NAT1: variants seen among roughly 807,000 people sequenced by gnomAD.
NAT1 encodes arylamine N-acetyltransferase 1.
For synonymous variants in NAT1, 144 were observed against 122.6 expected (o/e 1.17, Z -1.16); for missense variants, 400 against 339.2 (o/e 1.18, Z -1.41).
intron 1 of NAT1, among the ~76,000 whole-genome samples, chr8:18,214,830 C>T (rs1398413278): frequency 6.6e-6 from 1 of 152,168 alleles, no homozygotes; most frequent in South Asian, 2.1e-4. Flanking sequence ...TGATCCTCTC[C>T]CTCCTCCCAC....
At position 18,179,034 on chromosome 8, in the gene NAT1, A is replaced by G. The variant is rs548917607; in HGVS notation, n.92+8295A>G. On this transcript the variant is annotated intron_variant and non_coding_transcript_variant, in intron 2 of 4. Coordinates refer to the NAT1 transcript ENST00000517441. The stretch of plus-strand genomic sequence containing the variant: ...GTTCCTGCGTGCCTTTAATTAGTCA[A>G]CATTTATCCCTCTATATTCCACTGT... 1.8e-4 allele frequency among the ~76,000 whole-genome samples: 28 copies of G among 152,176 alleles called. No homozygotes were observed. In the South Asian group the frequency reaches 5.4e-3, roughly 29 times the overall value.
At chr8:18,197,785 C>T (rs1803297989) in intron 2 of NAT1, among the ~76,000 whole-genome samples, 1 of 152,146 alleles carries the variant, frequency 6.6e-6, no homozygotes, top group South Asian at 2.1e-4. Context: ...ATCCCATTTC[C>T]TGTCAGCAGT....
chr8:18,201,661 G>T (rs951612363), intron 2 of NAT1, among the ~76,000 whole-genome samples: 1 of 152,256 alleles, frequency 6.6e-6, no homozygotes, highest in African/African-American at 2.4e-5. Context: ...GGGCTGACTG[G>T]CATTGGGTTG....
chr8:18,221,110 C>T (rs1351061134), intron 2 of NAT1, among the ~76,000 whole-genome samples: 1 of 152,200 alleles, frequency 6.6e-6, no homozygotes, highest in Non-Finnish European at 1.5e-5. Flanking sequence ...CCTGTCAGAT[C>T]TCATCTCAGT....
intron 2 of NAT1, among the ~76,000 whole-genome samples, chr8:18,173,604 G>A (rs191131069): frequency 1.4e-4 from 22 of 152,234 alleles, no homozygotes; most frequent in Middle Eastern, 3.4e-3. Context: ...CCAGTACTTA[G>A]GAGCCCAGCG....
chr8:18,201,963 T>A (rs2117294781), intron 2 of NAT1, among the ~76,000 whole-genome samples: 2 of 152,314 alleles, frequency 1.3e-5, no homozygotes, highest in South Asian at 4.1e-4. Context: ...CATATCAAGC[T>A]CAATCAGTTT....
chr8:18,216,170 T>C (rs1804642158), intron 1 of NAT1, among the ~76,000 whole-genome samples: 1 of 152,186 alleles, frequency 6.6e-6, no homozygotes, highest in East Asian at 1.9e-4. Context: ...TTAGCTGTGG[T>C]TTCAGCCAGT....
In NAT1 at chr8:18,196,900, A is replaced by G. The variant is rs180959428; in HGVS notation, n.93-12881A>G. On this transcript the variant is annotated intron_variant and non_coding_transcript_variant, in intron 2 of 4. Coordinates refer to the NAT1 transcript ENST00000517441. ...TCATCAATTTCCATTTAATTCTTGT[A>G]TTAGTCCGTTCTCACACTGCTATAA... Among the ~76,000 whole-genome samples, 138 of 152,344 alleles carry G rather than the reference A, an allele frequency of 9.1e-4. 2 individuals carry two copies. The highest frequency in any genetic ancestry group is 3.2e-3 in the African/African-American group (133 of 41,584).
intron 2 of NAT1, among the ~76,000 whole-genome samples, chr8:18,197,664 C>T (rs571261594): frequency 1.8e-4 from 27 of 152,336 alleles, no homozygotes; most frequent in African/African-American, 6.0e-4. Flanking sequence ...TTTGTCTAAA[C>T]AGCATCCTTT....
rs367995306 is a variant in NAT1 at position 18,202,938 on chromosome 8, A to AT, written n.93-6839dup. Reference sequence around the variant, plus strand: ...CCATTTTAGAGGCGCTGATTGGTCCATTTTATAGAGTACTGATTGGTCGAT... The same window carrying AT: ...CCATTTTAGAGGCGCTGATTGGTCCATTTTTATAGAGTACTGATTGGTCGAT... On this transcript the variant is annotated intron_variant and non_coding_transcript_variant, in intron 2 of 4. Transcript: ENST00000517441. 1.7e-3 allele frequency among the ~76,000 whole-genome samples: 253 copies of AT among 152,238 alleles called. 2 individuals carry two copies. Among genetic ancestry groups the AT allele is most frequent in the African/African-American group, 5.8e-3 (242 of 41,542 alleles).
At chr8:18,182,983 TAA>T (rs1440033371) in intron 2 of NAT1, among the ~76,000 whole-genome samples, 2 of 152,208 alleles carry the variant, frequency 1.3e-5, no homozygotes, top group Non-Finnish European at 2.9e-5. Context: ...TATGCTATTA[TAA>T]AGTCTGTTTT....
chr8:18,204,410 G>A (rs1323709119), intron 2 of NAT1, among the ~76,000 whole-genome samples: 1 of 152,068 alleles, frequency 6.6e-6, no homozygotes, highest in Non-Finnish European at 1.5e-5. Flanking sequence ...ATTCTTTTCA[G>A]TAACTTAAAA....
intron 2 of NAT1, among the ~76,000 whole-genome samples, chr8:18,178,720 G>A (rs1802388073): frequency 6.6e-6 from 1 of 152,166 alleles, no homozygotes. Flanking sequence ...AGAGGAAGGA[G>A]TAGATAAAAT....
intron 2 of NAT1, among the ~76,000 whole-genome samples, chr8:18,191,356 T>C (rs536078905): frequency 6.6e-6 from 1 of 152,330 alleles, no homozygotes; most frequent in South Asian, 2.1e-4. Flanking sequence ...AAGTTTTTTA[T>C]AAAAACTTTT....
At chr8:18,197,133 G>T (rs1803267400) in intron 2 of NAT1, among the ~76,000 whole-genome samples, 1 of 151,980 alleles carries the variant, frequency 6.6e-6, no homozygotes, top group South Asian at 2.1e-4. Flanking sequence ...GAACAGCATG[G>T]GGAAACCACC....
chr8:18,195,186 G>A (rs556992193), intron 2 of NAT1, among the ~76,000 whole-genome samples: 14 of 152,288 alleles, frequency 9.2e-5, no homozygotes, highest in African/African-American at 2.6e-4. Context: ...ATCATGCTTC[G>A]CCATGTATGC....
intron 2 of NAT1, among the ~76,000 whole-genome samples, chr8:18,198,923 A>T (rs1803346339): frequency 6.6e-6 from 1 of 152,194 alleles, no homozygotes; most frequent in Non-Finnish European, 1.5e-5. Flanking sequence ...TTCAGAAGTC[A>T]GCTTAATTAA....
intron 2 of NAT1, among the ~76,000 whole-genome samples, chr8:18,193,982 T>C (rs1803128184): frequency 6.6e-6 from 1 of 152,170 alleles, no homozygotes; most frequent in Non-Finnish European, 1.5e-5. Context: ...CACGGTTGCA[T>C]GCATCTCCAT....
chr8:18,186,177 T>G (rs1802725586), intron 2 of NAT1, among the ~76,000 whole-genome samples: 1 of 152,212 alleles, frequency 6.6e-6, no homozygotes, highest in Non-Finnish European at 1.5e-5. Context: ...TTTTGTGCTT[T>G]GATTTTATTA....
Sources: allele counts gnomAD v4.1 joint callset (sites outside exome capture counted in the v4.1 genomes callset), GRCh38; gene constraint gnomAD v4.1.1; transcripts MANE v1.5; gene names NCBI Gene and HGNC (gene_info 2026-07-23, HGNC 2026-07-21).